SRRM3: variants seen among roughly 807,000 people sequenced by gnomAD.
SRRM3 encodes the protein serine/arginine repetitive matrix 3, also known as serine/arginine repetitive matrix protein 3.
SRRM3 carries 27 observed loss-of-function variants against 66.2 expected under a neutral mutation model. That is an observed-to-expected ratio of 0.41 (90% CI 0.30 to 0.56). SRRM3 has a LOEUF of 0.56. SRRM3 is among the 20% of genes least tolerant of loss of function. The pLI, the probability that SRRM3 is intolerant of heterozygous loss-of-function variation, is 0.32. For missense variants in SRRM3, 918 were observed against 991.9 expected, an observed-to-expected ratio of 0.93 and a Z score of 1.00; for synonymous variants, 391 against 414.9, an observed-to-expected ratio of 0.94 and a Z score of 0.70.
intron 2 of SRRM3, among the ~76,000 whole-genome samples, chr7:76,240,703 G>A (rs996500326): frequency 2.6e-5 from 4 of 151,408 alleles, no homozygotes; most frequent in Admixed American, 6.6e-5. Flanking sequence ...CCCAGAGAGC[G>A]ACCCAGGAAA....
intron 11 of SRRM3, among the ~76,000 whole-genome samples, chr7:76,280,367 C>G (rs1802461037): frequency 6.7e-6 from 1 of 149,842 alleles, no homozygotes; most frequent in African/African-American, 2.5e-5. Flanking sequence ...CCCCCTCGCC[C>G]CCTCCCCCAT....
rs138502469 is a variant in SRRM3 at position 76,210,486 on chromosome 7, T to G, written c.-40+8419T>G. ...AAAGCAGAGATCGTCCTTGATTCAT[T>G]CATTCATTCATCACACAGCAGTAGC... On this transcript the variant is annotated intron_variant, in intron 1 of 14. Transcript: ENST00000611745. 2.0e-5 allele frequency among the ~76,000 whole-genome samples: 3 copies of G among 152,320 alleles called. No homozygotes were observed. In the East Asian group the frequency reaches 5.8e-4, roughly 29 times the overall value.
intron 11 of SRRM3, among the ~76,000 whole-genome samples, chr7:76,280,328 T>C (rs1802460240): frequency 6.6e-6 from 1 of 152,116 alleles, no homozygotes; most frequent in African/African-American, 2.4e-5. Flanking sequence ...TTTCCTCCCT[T>C]TCTTCGGTTC....
At chr7:76,225,833 T>C (rs1305681635) in intron 1 of SRRM3, among the ~76,000 whole-genome samples, 1 of 152,180 alleles carries the variant, frequency 6.6e-6, no homozygotes, top group African/African-American at 2.4e-5. Flanking sequence ...ATGAGGAAGA[T>C]GCTATTATTA....
chr7:76,281,209 A>G (rs1802491147), intron 11 of SRRM3, among the ~76,000 whole-genome samples: 1 of 130,692 alleles, frequency 7.7e-6, no homozygotes. Context: ...GTCTCTCTTC[A>G]TTCTCTCTCT....
intron 14 of SRRM3, 29 bp downstream of exon 14, chr7:76,283,130 C>A: frequency 7.2e-7 from 1 of 1,387,408 alleles, no homozygotes; most frequent in Non-Finnish European, 9.3e-7. Flanking sequence ...GGGCCGGTGG[C>A]GCAGGGCTGG....
At position 76,242,020 on chromosome 7, in the gene SRRM3, A is replaced by G. The variant is rs868912845; in HGVS notation, c.234-6168A>G. ...ATTGGCTTCTGGTGAGGCCTCAGGA[A>G]GCTTTTAGTCATGATGGAAAAGAAG... On this transcript the variant is annotated intron_variant, in intron 2 of 14. Transcript: ENST00000611745. 3.5e-4 allele frequency among the ~76,000 whole-genome samples: 54 copies of G among 152,322 alleles called. 1 individual carries two copies. Among genetic ancestry groups the G allele is most frequent in the African/African-American group, 1.3e-3 (52 of 41,562 alleles).
chr7:76,251,610 G>A (rs745972278), intron 3 of SRRM3, among the ~76,000 whole-genome samples: 36 of 152,164 alleles, frequency 2.4e-4, no homozygotes, highest in Admixed American at 1.0e-3. Flanking sequence ...TCCTGACCTT[G>A]TGATCCGCCT....
intron 1 of SRRM3, among the ~76,000 whole-genome samples, 176 bp downstream of exon 1, chr7:76,202,243 C>G (rs1258743693): frequency 6.6e-6 from 1 of 150,790 alleles, no homozygotes; most frequent in Non-Finnish European, 1.5e-5. Context: ...AGATGAGGAA[C>G]ATTCATTTCA....
Position 76,260,873 on chromosome 7 carries a change from G to A in SRRM3, c.546-1G>A. The A allele has an allele frequency of 1.9e-6, 3 of 1,560,122 alleles. No homozygotes were observed. The highest frequency in any genetic ancestry group is 2.6e-6 in the Non-Finnish European group (3 of 1,151,542). On this transcript the variant is annotated splice_acceptor_variant, in intron 5 of 14. Transcript: ENST00000611745. LOFTEE classifies it high-confidence loss of function. Reference sequence around the variant, plus strand: ...CCTTTCTTCCTGGCATCTGCCCTCAGCAAAAAGAGGAGACTGGAGTCCGAA... The same window carrying A: ...CCTTTCTTCCTGGCATCTGCCCTCAACAAAAAGAGGAGACTGGAGTCCGAA...
chr7:76,239,940 G>T (rs1266133522), intron 2 of SRRM3, among the ~76,000 whole-genome samples: 1 of 150,774 alleles, frequency 6.6e-6, no homozygotes, highest in Non-Finnish European at 1.5e-5. Context: ...AAGGTAGGTG[G>T]ATCACCTGAG....
intron 3 of SRRM3, 144 bp downstream of exon 3, chr7:76,248,433 G>A: frequency 1.6e-6 from 1 of 628,726 alleles, no homozygotes; most frequent in Non-Finnish European, 2.8e-6. Context: ...GAGAAGGAGA[G>A]GAGAGCATGG....
chr7:76,281,238 C>T (rs1802493458), intron 11 of SRRM3, among the ~76,000 whole-genome samples: 1 of 151,188 alleles, frequency 6.6e-6, no homozygotes, highest in South Asian at 2.1e-4. Context: ...TTTTCTCTGT[C>T]TCTCGCTCTT....
chr7:76,233,289 G>A (rs1300784722), intron 1 of SRRM3, among the ~76,000 whole-genome samples: 1 of 152,154 alleles, frequency 6.6e-6, no homozygotes, highest in African/African-American at 2.4e-5. Flanking sequence ...CTCCAGCCTG[G>A]GTGATAGAGT....
intron 14 of SRRM3, 148 bp downstream of exon 14, chr7:76,283,249 T>A: frequency 1.0e-6 from 1 of 983,750 alleles, no homozygotes; most frequent in Non-Finnish European, 1.4e-6. Flanking sequence ...AATGAGTGGG[T>A]TCTGCCAGGG....
chr7:76,224,738 C>T (rs1554603576), intron 1 of SRRM3, among the ~76,000 whole-genome samples: 1 of 152,124 alleles, frequency 6.6e-6, no homozygotes, highest in Non-Finnish European at 1.5e-5. Flanking sequence ...TGCTGAGTGA[C>T]CGCCTACACA....
intron 2 of SRRM3, among the ~76,000 whole-genome samples, chr7:76,236,233 C>A (rs1243397655): frequency 6.7e-6 from 1 of 149,266 alleles, no homozygotes; most frequent in Non-Finnish European, 1.5e-5. Flanking sequence ...TCGCTTGAAC[C>A]GGGAGGTGGA....
chr7:76,214,536 G>A (rs1181275503), intron 1 of SRRM3, among the ~76,000 whole-genome samples: 1 of 152,144 alleles, frequency 6.6e-6, no homozygotes, highest in East Asian at 1.9e-4. Context: ...GGGGAGTCGG[G>A]GAGGAGCTGT....
chr7:76,232,714 G>C lies in SRRM3; in HGVS notation c.-39-2314G>C, dbSNP rs572230690. On this transcript the variant is annotated intron_variant, in intron 1 of 14. Coordinates refer to ENST00000611745, the MANE Select transcript of SRRM3 (RefSeq NM_001110199.3). The stretch of plus-strand genomic sequence containing the variant: ...CAGGAAAGGGCCTGGAGCCAAGAGA[G>C]GTAGAGGAGGATGTGTGTGGTGCGG... Among the ~76,000 whole-genome samples the C allele has an allele frequency of 2.8e-4, 42 of 152,302 alleles. 1 individual carries two copies. The highest frequency in any genetic ancestry group is 2.1e-3 in the Admixed American group (32 of 15,296).
Sources: allele counts gnomAD v4.1 joint callset (sites outside exome capture counted in the v4.1 genomes callset), GRCh38; gene constraint gnomAD v4.1.1; transcripts MANE v1.5; gene names NCBI Gene and HGNC (gene_info 2026-07-23, HGNC 2026-07-21).